The following SARDH variants were observed in gnomAD, a reference collection of about 807,000 sequenced individuals.
The protein encoded by SARDH is sarcosine dehydrogenase.
A neutral mutation model predicts 109.1 loss-of-function variants in SARDH; 95 were observed. That is an observed-to-expected ratio of 0.87 (90% CI 0.74 to 1.03). The LOEUF (loss-of-function observed/expected upper bound fraction) is 1.03, where lower values mean the gene tolerates loss of function less well. Among genes scored for constraint, SARDH ranks in the 50% least tolerant of loss-of-function variants. The probability of loss-of-function intolerance (pLI) is 0.00; values close to 1 mark genes in which losing one functional copy is unlikely to be tolerated. For missense variants in SARDH, 1,267 were observed against 1,287.8 expected (o/e 0.98, Z 0.25); for synonymous variants, 572 against 534.8 (o/e 1.07, Z -0.96).
At chr9:133,665,082 GTA>G (rs879756949) in intron 20 of SARDH, among the ~76,000 whole-genome samples, 4,484 of 152,266 alleles carry the variant, frequency 0.029, 112 homozygotes, top group South Asian at 0.11. Flanking sequence ...GGGTGTGACT[GTA>G]GCATTTGCCC....
intron 19 of SARDH, among the ~76,000 whole-genome samples, chr9:133,668,443 T>C (rs117596235): frequency 1.1e-3 from 14 of 12,762 alleles, no homozygotes; most frequent in South Asian, 0.014. Flanking sequence ...CCCTCTCCCT[T>C]ACCCTCCCTC....
intron 15 of SARDH, among the ~76,000 whole-genome samples, chr9:133,691,579 T>C (rs1055288948): frequency 5.3e-5 from 8 of 152,178 alleles, no homozygotes; most frequent in East Asian, 1.9e-4. Flanking sequence ...CCCAGGAGCA[T>C]GTATCCTTTT....
chr9:133,662,267 C>T (rs1227321105), downstream of SARDH, among the ~76,000 whole-genome samples: 2 of 152,122 alleles, frequency 1.3e-5, no homozygotes, highest in African/African-American at 2.4e-5. The surrounding 1 kb of genome is among the most constrained non-coding windows in gnomAD (Gnocchi z 5.1). Context: ...CAATTTGGAG[C>T]GGAACCCGGG....
In SARDH at chr9:133,715,402, G is replaced by A. The variant is rs184578244; in HGVS notation, c.1150+1924C>T. Reference sequence around the variant, plus strand: ...GGATTCTTCCGGGCCTGTGTTTCTCGCTGCCAGACCCACGCAAGCTGCGGG... The same window carrying A: ...GGATTCTTCCGGGCCTGTGTTTCTCACTGCCAGACCCACGCAAGCTGCGGG... On this transcript the variant is annotated intron_variant, in intron 8 of 20. Coordinates refer to ENST00000439388, the MANE Select transcript of SARDH (RefSeq NM_001134707.2). Among the ~76,000 whole-genome samples, 703 of 152,270 alleles carry A rather than the reference G, an allele frequency of 4.6e-3. 3 individuals carry two copies. Among genetic ancestry groups the A allele is most frequent in the Admixed American group, 9.7e-3 (148 of 15,294 alleles).
Position 133,686,394 on chromosome 9 carries a change from T to C in SARDH, c.2070-1108A>G, listed in dbSNP as rs1830886451. Reference sequence around the variant, plus strand: ...GTCACCACTTAACCCTTTGTCATCCTTCAGCTCTTGGCTCAGCTGTCACCT... The same window carrying C: ...GTCACCACTTAACCCTTTGTCATCCCTCAGCTCTTGGCTCAGCTGTCACCT... On this transcript the variant is annotated intron_variant, in intron 16 of 20. Transcript: ENST00000439388. The surrounding 1 kb of genome is among the most constrained non-coding windows in gnomAD (Gnocchi z 4.0). 6.6e-6 allele frequency among the ~76,000 whole-genome samples: 1 copy of C among 152,046 alleles called. No homozygotes were observed. Among genetic ancestry groups the C allele is most frequent in the African/African-American group, 2.4e-5 (1 of 41,406 alleles).
At chr9:133,670,794 G>C in intron 18 of SARDH, 42 bp from the exon 19 acceptor site, 1 of 1,515,404 alleles carries the variant, frequency 6.6e-7, no homozygotes, top group Non-Finnish European at 8.8e-7. Context: ...ACCCTGAGGG[G>C]GATAAGCCCT....
chr9:133,687,348 G>A lies in SARDH; in HGVS notation c.2070-2062C>T, dbSNP rs533079546. Among the ~76,000 whole-genome samples, 4 of 152,360 alleles carry A rather than the reference G, an allele frequency of 2.6e-5. No homozygotes were observed. In the South Asian group the frequency reaches 8.3e-4, roughly 32 times the overall value. ...TGCAGTGGCACAATCACAGCTCGCT[G>A]CAGCCTTGACCTCCTGGGCTCAAGC... On this transcript the variant is annotated intron_variant, in intron 16 of 20. Transcript: ENST00000439388.
intron 8 of SARDH, among the ~76,000 whole-genome samples, chr9:133,714,171 G>T (rs1485589778): frequency 6.6e-6 from 1 of 151,930 alleles, no homozygotes; most frequent in African/African-American, 2.4e-5. Context: ...CTCCAAGTCT[G>T]GGGGGTCATC....
chr9:133,733,914 T>C lies in SARDH; in HGVS notation c.260A>G (p.Lys87Arg). 1 of 1,560,906 alleles carries C rather than the reference T, an allele frequency of 6.4e-7. No homozygotes were observed. Among genetic ancestry groups the C allele is most frequent in the East Asian group, 2.3e-5 (1 of 44,014 alleles). Reference sequence around the variant, plus strand: ...CAGCACCGCCCCACTCATGCCCAGCTTGGCCAGGTGGTACAGGGTCTGGCA... The same window carrying C: ...CAGCACCGCCCCACTCATGCCCAGCCTGGCCAGGTGGTACAGGGTCTGGCA... ...LGCQTLYHLA[K>R]LGMSGAVLLE... The change falls in exon 2 of 21, where the codon AAG becomes AGG. Residue 87 changes from lysine to arginine, a missense_variant. Coordinates refer to ENST00000439388, the MANE Select transcript of SARDH (RefSeq NM_001134707.2).
At chr9:133,694,433 A>G (rs1275188252) in intron 14 of SARDH, 62 bp from the exon 15 acceptor site, 4 of 1,363,336 alleles carry the variant, frequency 2.9e-6, no homozygotes, top group East Asian at 5.0e-5. Flanking sequence ...GTGCTGCCTC[A>G]GTTTCCCCAG....
chr9:133,672,108 A>G (rs1325603916), intron 17 of SARDH, among the ~76,000 whole-genome samples: 1 of 152,144 alleles, frequency 6.6e-6, no homozygotes, highest in Non-Finnish European at 1.5e-5. Flanking sequence ...GGCTCCGGAG[A>G]CGACCCTTCC....
intron 15 of SARDH, 141 bp from the exon 16 acceptor site, chr9:133,690,668 T>C (rs1313766348): frequency 3.1e-6 from 3 of 952,962 alleles, no homozygotes; most frequent in Non-Finnish European, 3.1e-6. Flanking sequence ...AGGAACCGTA[T>C]CTGTCCCTCC....
chr9:133,681,636 C>A (rs764421329), intron 17 of SARDH, among the ~76,000 whole-genome samples: 1 of 152,284 alleles, frequency 6.6e-6, no homozygotes, highest in East Asian at 1.9e-4. Context: ...CAGAGTCTCT[C>A]GAGCGCTAGT....
At position 133,721,338 on chromosome 9, in the gene SARDH, C is replaced by T. The variant is rs1287040731; in HGVS notation, c.916-2296G>A. Among the ~76,000 whole-genome samples, 3 of 152,314 alleles carry T rather than the reference C, an allele frequency of 2.0e-5. No homozygotes were observed. The East Asian group carries it at 5.8e-4, about 29-fold the overall frequency. On this transcript the variant is annotated intron_variant, in intron 6 of 20. Transcript: ENST00000439388. Reference sequence around the variant, plus strand: ...CTTCAAACGTCTAATGGATGATTTTCAACACAGAATTCTAGATCCTGTCAA... The same window carrying T: ...CTTCAAACGTCTAATGGATGATTTTTAACACAGAATTCTAGATCCTGTCAA...
chr9:133,716,912 CATCAGGGA>C (rs1292390410), intron 8 of SARDH, among the ~76,000 whole-genome samples: 1 of 135,208 alleles, frequency 7.4e-6, no homozygotes, highest in Non-Finnish European at 1.6e-5. Flanking sequence ...ATAAGCCTCT[CATCAGGGA>C]AGGTCTCAGC....
At chr9:133,679,881 G>A (rs1331180974) in intron 17 of SARDH, among the ~76,000 whole-genome samples, 1 of 152,226 alleles carries the variant, frequency 6.6e-6, no homozygotes, top group Non-Finnish European at 1.5e-5. Context: ...CGGGTCTGCA[G>A]CTCTGGCCCT....
At chr9:133,671,484 G>GC in intron 18 of SARDH, 51 bp downstream of exon 18, 2 of 1,505,722 alleles carry the variant, frequency 1.3e-6, no homozygotes, top group South Asian at 1.3e-5. Flanking sequence ...GAGCGTCACT[G>GC]CCCCCCACTG....
chr9:133,670,573 G>A lies in SARDH; in HGVS notation c.2495+11C>T, dbSNP rs116294979. 2,435 of 1,566,642 alleles carry A rather than the reference G, an allele frequency of 1.6e-3. 29 individuals are homozygous for A. In the African/African-American group the frequency reaches 0.025, roughly 16 times the overall value. ...TGCTTCCGGGTGGGCGTGGAACAGC[G>A]GGATACTCACTCCTCCATGGTGAAG... On this transcript the variant is annotated intron_variant, in intron 19 of 20. Coordinates refer to ENST00000439388, the MANE Select transcript of SARDH (RefSeq NM_001134707.2).
intron 16 of SARDH, 68 bp from the exon 17 acceptor site, chr9:133,685,354 CG>C: frequency 7.6e-7 from 1 of 1,311,294 alleles, no homozygotes; most frequent in South Asian, 1.3e-5. Context: ...GGAAAGGCCC[CG>C]GGGACCTGCC....
Sources: gnomAD v4.1 joint callset for allele counts (sites outside exome capture counted in the v4.1 genomes callset) on GRCh38, gnomAD v4.1.1 for gene constraint, Gnocchi (gnomAD v3.1) non-coding constraint, MANE v1.5 for transcripts, NCBI Gene and HGNC (gene_info 2026-07-23, HGNC 2026-07-21) for gene names.